The following ZNF778 variants were observed in gnomAD, a reference collection of about 807,000 sequenced individuals.
The protein encoded by ZNF778 is zinc finger protein 778.
A neutral mutation model predicts 23.9 loss-of-function variants in ZNF778; 37 were observed. The observed-to-expected ratio is 1.54, with a 90% CI of 1.19 to 2.03. The LOEUF is 2.03. Ranked by LOEUF, ZNF778 falls within the 30% of genes most tolerant of loss-of-function variation. ZNF778 has a pLI of 0.00. For synonymous variants in ZNF778, 483 were observed against 343.9 expected (o/e 1.40, Z -4.48); for missense variants, 1,297 against 934.4 (o/e 1.39, Z -5.06).
At position 89,221,098 on chromosome 16, in the gene ZNF778, G is replaced by A; in HGVS notation, c.-30G>A. 3.8e-6 allele frequency: 6 copies of A among 1,562,838 alleles called. No homozygotes were observed. The highest frequency in any genetic ancestry group is 4.3e-6 in the Non-Finnish European group (5 of 1,153,236). ...CAGTGGCCTTGGCTTCAGGAAAGGA[G>A]CATTCAGACGCTTCCGTCAGCCTCC... On this transcript the variant is annotated 5_prime_UTR_variant, in exon 2 of 7. Coordinates refer to ENST00000433976, the MANE Select transcript of ZNF778 (RefSeq NM_001201407.2).
In ZNF778 at chr16:89,231,831, A is replaced by G. The variant is rs755358577; in HGVS notation, c.*3269A>G. The G allele has an allele frequency of 2.0e-5, 3 of 151,830 alleles. No homozygotes were observed. The highest frequency in any genetic ancestry group is 4.4e-5 in the Non-Finnish European group (3 of 67,984). 9.4% of individuals were successfully genotyped at this position (151,830 alleles called of 1,614,324 possible). On this transcript the variant is annotated 3_prime_UTR_variant, in exon 7 of 7. Coordinates refer to ENST00000433976, the MANE Select transcript of ZNF778 (RefSeq NM_001201407.2). ...CTCCTCCGCTGCAGCTTTCCATCTC[A>G]TCTCCTTACTCCCTTGACTTGGCTT...
intron 5 of ZNF778, 78 bp downstream of exon 5, chr16:89,224,880 A>G (rs570529532): frequency 1.8e-5 from 19 of 1,047,028 alleles, no homozygotes; most frequent in East Asian, 7.9e-5. Context: ...TTTAGCGGCT[A>G]TGGAAGGATT....
Position 89,233,865 on chromosome 16 carries a change from C to G in ZNF778, c.*5303C>G, listed in dbSNP as rs1056155026. Reference sequence around the variant, plus strand: ...CCGGCCACTTCCTTTTTCTAACTACCACACCAAGCCAGTATTTCTCCTCCC... The same window carrying G: ...CCGGCCACTTCCTTTTTCTAACTACGACACCAAGCCAGTATTTCTCCTCCC... On this transcript the variant is annotated 3_prime_UTR_variant, in exon 7 of 7. Coordinates refer to ENST00000433976, the MANE Select transcript of ZNF778 (RefSeq NM_001201407.2). 4 of 1,289,796 alleles carry G rather than the reference C, an allele frequency of 3.1e-6. No individual in the cohort carries two copies. Among genetic ancestry groups the G allele is most frequent in the Non-Finnish European group, 3.0e-6 (3 of 989,194 alleles). 79.9% of individuals were successfully genotyped at this position (1,289,796 alleles called of 1,614,324 possible).
In ZNF778 at chr16:89,231,410, C is replaced by T. The variant is rs1056037612; in HGVS notation, c.*2848C>T. ...AGCAGGCGGTAGCCCAGACACCACC[C>T]TGCCTGATATGCCCACTGTTGGTGG... On this transcript the variant is annotated 3_prime_UTR_variant, in exon 7 of 7. Transcript: ENST00000433976. 1 of 152,272 alleles carries T rather than the reference C, an allele frequency of 6.6e-6. No individual in the cohort carries two copies. Among genetic ancestry groups the T allele is most frequent in the Admixed American group, 6.5e-5 (1 of 15,274 alleles). The allele number at this position is 152,272 out of a possible 1,614,324, so 9.4% of individuals were successfully genotyped here. A position where few individuals can be genotyped will look rare whatever the true frequency, so the allele number is the denominator to read the frequency against.
In ZNF778 at chr16:89,227,423, C is replaced by G. The variant is rs757760481; in HGVS notation, c.1135C>G (p.Leu379Val). Residue 379 changes from leucine to valine, a missense_variant, in exon 7 of 7, where the codon CTA (leucine) becomes GTA (valine). Transcript: ENST00000433976. ...TGGGAAAGCCTGCGGTGGGTTTTAT[C>G]TACTGAATGAGCATGGAAAAACTCA... is the stretch of plus-strand genomic sequence containing the variant. The part of the protein sequence containing the change: ...DCGKACGGFY[L>V]LNEHGKTHTR... The G allele has an allele frequency of 5.0e-6, 8 of 1,613,662 alleles. No homozygotes were observed. Among genetic ancestry groups the G allele is most frequent in the South Asian group, 3.3e-5 (3 of 91,070 alleles).
Position 89,234,098 on chromosome 16 carries a change from G to A in ZNF778, c.*5536G>A. ...CCCCTTGGGCCCTGCCTGGAGTGAT[G>A]TGCCGCCTTCTCTTGACACTGTGAG... On this transcript the variant is annotated 3_prime_UTR_variant, in exon 7 of 7. Transcript: ENST00000433976. The A allele has an allele frequency of 3.7e-6, 2 of 534,194 alleles. No homozygotes were observed. Among genetic ancestry groups the A allele is most frequent in the Non-Finnish European group, 6.7e-6 (2 of 298,926 alleles). The allele number at this position is 534,194 out of a possible 1,614,324, so 33.1% of individuals were successfully genotyped here.
Position 89,232,124 on chromosome 16 carries a change from G to A in ZNF778, c.*3562G>A, listed in dbSNP as rs536253537. The A allele has an allele frequency of 6.3e-6, 1 of 158,444 alleles. No homozygotes were observed. Among genetic ancestry groups the A allele is most frequent in the African/African-American group, 2.4e-5 (1 of 41,440 alleles). 9.8% of individuals were successfully genotyped at this position (158,444 alleles called of 1,614,324 possible). ...TGTGGCAGTGCTGGGAGGGGGCCTG[G>A]TGGGGGTTTGGGTCATGGGGGCACC... is the stretch of plus-strand genomic sequence containing the variant. On this transcript the variant is annotated 3_prime_UTR_variant, in exon 7 of 7. Transcript: ENST00000433976.
intron 2 of ZNF778, 22 bp from the exon 3 acceptor site, chr16:89,222,070 T>A: frequency 6.4e-7 from 1 of 1,567,628 alleles, no homozygotes; most frequent in Non-Finnish European, 8.7e-7. Context: ...TCTCATGCCT[T>A]CTTGCCTTCT....
At position 89,217,761 on chromosome 16, in the gene ZNF778, G is replaced by A. The variant is rs1439483984; in HGVS notation, c.-281G>A. The stretch of plus-strand genomic sequence containing the variant: ...GCGTGCTGGCGCCGGAGAGTTCCGC[G>A]CGTGTCCTCGGGCTGTCCGCGGGGA... On this transcript the variant is annotated 5_prime_UTR_variant, in exon 1 of 7. Coordinates refer to ENST00000433976, the MANE Select transcript of ZNF778 (RefSeq NM_001201407.2). 1 of 152,224 alleles carries A rather than the reference G, an allele frequency of 6.6e-6. No individual in the cohort carries two copies. The highest frequency in any genetic ancestry group is 1.5e-5 in the Non-Finnish European group (1 of 68,040). The allele number at this position is 152,224 out of a possible 1,614,324, so 9.4% of individuals were successfully genotyped here. A position where few individuals can be genotyped will look rare whatever the true frequency, so the allele number is the denominator to read the frequency against.
chr16:89,223,076 C>T (rs528936521), intron 3 of ZNF778, 81 bp from the exon 4 acceptor site: 17 of 1,521,028 alleles, frequency 1.1e-5, no homozygotes, highest in African/African-American at 2.8e-5. Context: ...GTCCCATAGG[C>T]GTAGGGCCCC....
Position 89,227,202 on chromosome 16 carries a change from G to T in ZNF778, c.914G>T (p.Gly305Val). ...ACTGGTCGCGTGCAAGTCCACCCTGGGGAAAAGCCCTGTGAATTGGAAGAA... is the reference window on the plus strand; with the variant it reads ...ACTGGTCGCGTGCAAGTCCACCCTGTGGAAAAGCCCTGTGAATTGGAAGAA... ...YLTGRVQVHPGEKPCELEECG... is the reference protein window; with the variant it reads ...YLTGRVQVHPVEKPCELEECG... Residue 305 changes from glycine (G) to valine (V), a missense_variant, in exon 7 of 7, where the codon GGG becomes GTG. Coordinates refer to ENST00000433976, the MANE Select transcript of ZNF778 (RefSeq NM_001201407.2). 1 of 1,613,924 alleles carries T rather than the reference G, an allele frequency of 6.2e-7. No individual in the cohort carries two copies. Among genetic ancestry groups the T allele is most frequent in the South Asian group, 1.1e-5 (1 of 91,076 alleles).
chr16:89,219,863 TGAGGTGCAGTAACTTG>T (rs2030748451), intron 1 of ZNF778, among the ~76,000 whole-genome samples: 1 of 152,252 alleles, frequency 6.6e-6, no homozygotes, highest in African/African-American at 2.4e-5. Flanking sequence ...ATAGGTGTCA[TGAGGTGCAGTAACTTG>T]GAGGTGCATA....
At chr16:89,220,923 T>C (rs2030871375) in intron 1 of ZNF778, 74 bp from the exon 2 acceptor site, 2 of 584,354 alleles carry the variant, frequency 3.4e-6, no homozygotes, top group East Asian at 2.9e-5. Flanking sequence ...CTTTCACATA[T>C]ATCATCTGCA....
Position 89,231,537 on chromosome 16 carries a change from C to T in ZNF778, c.*2975C>T, listed in dbSNP as rs1282620719. ...TTCACGCACTTCTTCAGAACCTCCT[C>T]AGCAGCGATGCCCATGGACTGGGGT... On this transcript the variant is annotated 3_prime_UTR_variant, in exon 7 of 7. Coordinates refer to ENST00000433976, the MANE Select transcript of ZNF778 (RefSeq NM_001201407.2). The T allele has an allele frequency of 6.6e-6, 1 of 152,246 alleles. No individual in the cohort carries two copies. 9.4% of individuals were successfully genotyped at this position (152,246 alleles called of 1,614,324 possible). A position where few individuals can be genotyped will look rare whatever the true frequency, so the allele number is the denominator to read the frequency against.
chr16:89,227,070 C>T lies in ZNF778; in HGVS notation c.782C>T (p.Ala261Val), dbSNP rs1773299937. ...TGGAAATGGAAGCCGTGTGGGAAAG[C>T]TCTAACTCACTCCATGGGCTGCGCC... The part of the protein sequence containing the change: ...ETWKWKPCGK[A>V]LTHSMGCATP... Residue 261 changes from alanine to valine, a missense_variant, in exon 7 of 7, where the codon GCT becomes GTT. Transcript: ENST00000433976. The T allele has an allele frequency of 1.9e-6, 3 of 1,613,894 alleles. No homozygotes were observed. The highest frequency in any genetic ancestry group is 2.2e-5 in the South Asian group (2 of 91,080).
Position 89,228,929 on chromosome 16 carries a change from C to T in ZNF778, c.*367C>T, listed in dbSNP as rs1225929337. ...TCATTTTTTACATTACATCTTTCCT[C>T]ACCCTTTAGTAAACGTGGTGATTGA... is the stretch of plus-strand genomic sequence containing the variant. On this transcript the variant is annotated 3_prime_UTR_variant, in exon 7 of 7. Coordinates refer to ENST00000433976, the MANE Select transcript of ZNF778 (RefSeq NM_001201407.2). 3.0e-6 allele frequency: 3 copies of T among 1,006,478 alleles called. No individual in the cohort carries two copies. Among genetic ancestry groups the T allele is most frequent in the African/African-American group, 3.5e-5 (2 of 57,884 alleles). 62.3% of individuals were successfully genotyped at this position (1,006,478 alleles called of 1,614,324 possible). A position where few individuals can be genotyped will look rare whatever the true frequency, so the allele number is the denominator to read the frequency against.
intron 3 of ZNF778, 40 bp downstream of exon 3, chr16:89,222,223 G>T: frequency 6.8e-7 from 1 of 1,470,990 alleles, no homozygotes; most frequent in Admixed American, 1.8e-5. Flanking sequence ...TAACATACTG[G>T]TATTCAGCAG....
At chr16:89,219,829 G>T (rs2030745351) in intron 1 of ZNF778, among the ~76,000 whole-genome samples, 1 of 152,268 alleles carries the variant, frequency 6.6e-6, no homozygotes, top group African/African-American at 2.4e-5. Flanking sequence ...AAGATCTGCA[G>T]AGTGTTGTGC....
rs66697325 is a variant in ZNF778 at position 89,230,047 on chromosome 16, G to C, written c.*1485G>C. The C allele has an allele frequency of 4.1e-6, 4 of 976,312 alleles. No homozygotes were observed. Among genetic ancestry groups the C allele is most frequent in the Middle Eastern group, 5.3e-4 (1 of 1,892 alleles). The allele number at this position is 976,312 out of a possible 1,614,324, so 60.5% of individuals were successfully genotyped here. On this transcript the variant is annotated 3_prime_UTR_variant, in exon 7 of 7. Transcript: ENST00000433976. ...GTCTTAAGTATCCAGATGGGATCCT[G>C]TATGAGCAGCGTAGGCTCTGGTTGG...
Sources: allele counts gnomAD v4.1 joint callset (sites outside exome capture counted in the v4.1 genomes callset), GRCh38; gene constraint gnomAD v4.1.1; transcripts MANE v1.5; gene names NCBI Gene and HGNC (gene_info 2026-07-23, HGNC 2026-07-21).